PTPRQ: variants seen among roughly 807,000 people sequenced by gnomAD.
PTPRQ encodes protein tyrosine phosphatase receptor type Q, also known as phosphatidylinositol phosphatase PTPRQ.
A neutral mutation model predicts 246.0 loss-of-function variants in PTPRQ; 199 were observed. The observed-to-expected ratio is 0.81, with a 90% CI of 0.72 to 0.91. The LOEUF is 0.91. PTPRQ is among the 40% of genes least tolerant of loss of function. The pLI is 0.00. For synonymous variants in PTPRQ, 869 were observed against 853.2 expected, an observed-to-expected ratio of 1.02 and a Z score of -0.32; for missense variants, 2,624 against 2,528.4, an observed-to-expected ratio of 1.04 and a Z score of -0.81.
chr12:80,503,376 C>A (rs1223979415), intron 14 of PTPRQ, among the ~76,000 whole-genome samples: 3 of 151,682 alleles, frequency 2.0e-5, no homozygotes, highest in Non-Finnish European at 4.4e-5. Context: ...GAATTGCAAT[C>A]CTCTCAAAGT....
At chr12:80,557,188 C>T (rs58045821) in intron 25 of PTPRQ, among the ~76,000 whole-genome samples, 5 of 152,168 alleles carry the variant, frequency 3.3e-5, no homozygotes, top group African/African-American at 2.4e-5. Context: ...TAAAGCCCTT[C>T]TTCTCAATCC....
At chr12:80,544,260 C>G (rs142842306) in intron 23 of PTPRQ, among the ~76,000 whole-genome samples, 1 of 152,002 alleles carries the variant, frequency 6.6e-6, no homozygotes, top group Non-Finnish European at 1.5e-5. Context: ...CTCCATAGAG[C>G]ATTTTGAACA....
intron 25 of PTPRQ, among the ~76,000 whole-genome samples, chr12:80,578,342 T>C (rs991208979): frequency 6.6e-6 from 1 of 151,394 alleles, no homozygotes; most frequent in Non-Finnish European, 1.5e-5. Flanking sequence ...AAATAAATTT[T>C]TTTTCCCATC....
At chr12:80,496,576 T>C (rs761648214) in intron 14 of PTPRQ, 45 bp downstream of exon 14, 1 of 1,508,712 alleles carries the variant, frequency 6.6e-7, no homozygotes, top group African/African-American at 1.4e-5. Context: ...CACAGTGATA[T>C]AGTAAGCAAA....
Position 80,534,981 on chromosome 12 carries a change from G to A in PTPRQ, c.2929G>A (p.Gly977Arg). The A allele has an allele frequency of 6.5e-7, 1 of 1,549,070 alleles. No individual in the cohort carries two copies. Among genetic ancestry groups the A allele is most frequent in the Non-Finnish European group, 8.7e-7 (1 of 1,146,012 alleles). ...LFWTPPSKPN[G>R]IIQYYSVYYR... ...CTGGACACCTCCTTCAAAACCTAAT[G>A]GGATTATACAATATTACTCTGTTTA... Residue 977 changes from glycine to arginine, a missense_variant, in exon 19 of 45, where the codon GGG becomes AGG. Transcript: ENST00000644991.
At chr12:80,624,277 G>A (rs1051723897) in intron 33 of PTPRQ, among the ~76,000 whole-genome samples, 20 of 152,194 alleles carry the variant, frequency 1.3e-4, no homozygotes, top group Non-Finnish European at 1.0e-4. Context: ...CTGAGGGATA[G>A]TGACAAGGAA....
At chr12:80,660,685 T>G (rs1257347789) in intron 39 of PTPRQ, among the ~76,000 whole-genome samples, 2 of 152,036 alleles carry the variant, frequency 1.3e-5, no homozygotes, top group African/African-American at 4.8e-5. Context: ...GATTAAAGGC[T>G]ATCATGCAAA....
intron 25 of PTPRQ, among the ~76,000 whole-genome samples, chr12:80,567,047 G>A (rs1299996546): frequency 1.3e-5 from 2 of 152,136 alleles, no homozygotes; most frequent in Non-Finnish European, 2.9e-5. Context: ...AAGCTAAATA[G>A]GATGCCATAC....
At chr12:80,559,140 G>A (rs778205799) in intron 25 of PTPRQ, among the ~76,000 whole-genome samples, 1 of 152,166 alleles carries the variant, frequency 6.6e-6, no homozygotes, top group African/African-American at 2.4e-5. Context: ...CGCCTCCCGG[G>A]TTCAAGCAAT....
intron 39 of PTPRQ, 94 bp from the exon 40 acceptor site, chr12:80,668,913 T>A: frequency 7.3e-7 from 1 of 1,361,174 alleles, no homozygotes; most frequent in South Asian, 2.2e-5. Flanking sequence ...ATTAGGTAAT[T>A]TTACAACCAG....
At chr12:80,522,127 G>A (rs1305236265) in intron 17 of PTPRQ, among the ~76,000 whole-genome samples, 1 of 152,122 alleles carries the variant, frequency 6.6e-6, no homozygotes, top group Non-Finnish European at 1.5e-5. Flanking sequence ...TGAAGCAATT[G>A]TGAATGGGAG....
intron 9 of PTPRQ, 131 bp downstream of exon 9, chr12:80,484,736 G>T: frequency 2.7e-6 from 3 of 1,100,310 alleles, no homozygotes; most frequent in Non-Finnish European, 2.5e-6. Flanking sequence ...AGTAAATTTG[G>T]GGCATGTTGA....
At chr12:80,526,036 G>C (rs1371463348) in intron 17 of PTPRQ, 1 of 152,064 alleles carries the variant, frequency 6.6e-6, no homozygotes, top group Non-Finnish European at 1.5e-5. Flanking sequence ...AAAATCTAGA[G>C]GAGAAACCAC....
chr12:80,576,357 G>T (rs763836022), intron 25 of PTPRQ, among the ~76,000 whole-genome samples: 1 of 151,960 alleles, frequency 6.6e-6, no homozygotes, highest in Non-Finnish European at 1.5e-5. Context: ...GGCTAGGCTA[G>T]TCTCAAATTC....
chr12:80,510,300 T>C (rs1472700444), intron 16 of PTPRQ, 23 bp from the exon 17 acceptor site: 13 of 1,488,490 alleles, frequency 8.7e-6, no homozygotes, highest in Non-Finnish European at 1.2e-5. Context: ...TAAAACACAT[T>C]ATTCTATACC....
intron 25 of PTPRQ, chr12:80,583,635 G>A (rs1897517432): frequency 6.6e-6 from 1 of 152,184 alleles, no homozygotes; most frequent in Admixed American, 6.5e-5. Flanking sequence ...TTTTGTAGGG[G>A]GAGGTTTGTA....
At chr12:80,494,639 A>T (rs1894552014) in intron 10 of PTPRQ, among the ~76,000 whole-genome samples, 1 of 151,944 alleles carries the variant, frequency 6.6e-6, no homozygotes, top group South Asian at 2.1e-4. Context: ...AAAAACACTA[A>T]TGTCATGTTT....
intron 35 of PTPRQ, among the ~76,000 whole-genome samples, chr12:80,647,975 T>C (rs1307974171): frequency 6.6e-6 from 1 of 152,180 alleles, no homozygotes; most frequent in Non-Finnish European, 1.5e-5. Context: ...ACAATTCCTG[T>C]ATTGTAATGA....
At chr12:80,482,073 T>A (rs1272644989) in intron 8 of PTPRQ, among the ~76,000 whole-genome samples, 3 of 151,458 alleles carry the variant, frequency 2.0e-5, no homozygotes, top group African/African-American at 7.3e-5. Context: ...GCCAAGTCAA[T>A]CCTAAGCCAA....
Sources: allele counts gnomAD v4.1 joint callset (sites outside exome capture counted in the v4.1 genomes callset), GRCh38; gene constraint gnomAD v4.1.1; transcripts MANE v1.5; gene names NCBI Gene and HGNC (gene_info 2026-07-23, HGNC 2026-07-21).